NRCAM: variants seen among roughly 807,000 people sequenced by gnomAD.
The protein encoded by NRCAM is NgCAM-related cell adhesion molecule.
In NRCAM, 83 loss-of-function variants were observed where a neutral mutation model predicts 156.5. The ratio of observed to expected loss-of-function variants is 0.53; its 90% CI spans 0.44 to 0.64. NRCAM has a LOEUF of 0.64. NRCAM is among the 30% of genes least tolerant of loss of function. The pLI is 0.00. For synonymous variants in NRCAM, 538 were observed against 563.9 expected (o/e 0.95, Z 0.65); for missense variants, 1,417 against 1,597.3 (o/e 0.89, Z 1.92).
intron 8 of NRCAM, among the ~76,000 whole-genome samples, chr7:108,229,435 T>C (rs2093992278): frequency 6.6e-6 from 1 of 152,190 alleles, no homozygotes; most frequent in Non-Finnish European, 1.5e-5. Flanking sequence ...TTAATCCATC[T>C]TTTTGACACA....
At position 108,191,844 on chromosome 7, in the gene NRCAM, A is replaced by T; in HGVS notation, c.1788T>A (p.Val596=). The change falls in exon 18 of 33, where the codon GTT becomes GTA. Residue 596 remains valine (V), a synonymous_variant. Transcript: ENST00000379028. ...CAGCTACCACTAGATGATCCTTGTC[A>T]ACAGTGAACCTGTGGATAGAATGCA... The part of the protein sequence containing the change: ...RELPSDERFT[V]DKDHLVVADV... The T allele has an allele frequency of 6.2e-7, 1 of 1,613,528 alleles. No individual in the cohort carries two copies. The highest frequency in any genetic ancestry group is 2.2e-5 in the East Asian group (1 of 44,876).
chr7:108,415,864 A>G (rs111863788), intron 1 of NRCAM, among the ~76,000 whole-genome samples: 16,216 of 152,258 alleles, frequency 0.11, 2,329 homozygotes, highest in African/African-American at 0.33. Context: ...CCTGGGCAGC[A>G]AGAGCAAAAC....
At chr7:108,264,625 T>C (rs1420153940) in intron 3 of NRCAM, among the ~76,000 whole-genome samples, 1 of 152,238 alleles carries the variant, frequency 6.6e-6, no homozygotes, top group African/African-American at 2.4e-5. Context: ...ACAATACCTA[T>C]CTTTATTAGT....
At chr7:108,367,729 G>A (rs2099600518) in intron 2 of NRCAM, among the ~76,000 whole-genome samples, 1 of 152,110 alleles carries the variant, frequency 6.6e-6, no homozygotes, top group Admixed American at 6.6e-5. Context: ...AAAATCATAT[G>A]TTGTAAGTGA....
chr7:108,157,079 T>C (rs1024489559), intron 32 of NRCAM, among the ~76,000 whole-genome samples: 4 of 152,256 alleles, frequency 2.6e-5, no homozygotes, highest in South Asian at 4.1e-4. Context: ...ATTGTCCTTA[T>C]GAACTTTTAG....
At chr7:108,351,622 A>G (rs972599159) in intron 2 of NRCAM, among the ~76,000 whole-genome samples, 1 of 152,180 alleles carries the variant, frequency 6.6e-6, no homozygotes, top group African/African-American at 2.4e-5. Flanking sequence ...CTTTTTGACA[A>G]CTCAGGAGAA....
intron 13 of NRCAM, among the ~76,000 whole-genome samples, chr7:108,204,847 C>G (rs534632445): frequency 7.2e-5 from 11 of 152,292 alleles, no homozygotes; most frequent in Admixed American, 7.2e-4. Context: ...TCTTCTCTAC[C>G]TACTCAGACA....
chr7:108,214,188 T>C (rs1051355639), intron 11 of NRCAM, among the ~76,000 whole-genome samples: 1 of 152,210 alleles, frequency 6.6e-6, no homozygotes, highest in Non-Finnish European at 1.5e-5. Context: ...CTCCTTTTTG[T>C]ACCTCTGGTA....
intron 2 of NRCAM, among the ~76,000 whole-genome samples, chr7:108,343,022 C>T (rs954283293): frequency 6.6e-6 from 1 of 152,204 alleles, no homozygotes; most frequent in African/African-American, 2.4e-5. Flanking sequence ...ATTGTTCAAA[C>T]CTACGCCACT....
At chr7:108,305,940 C>T (rs1051229224) in intron 3 of NRCAM, among the ~76,000 whole-genome samples, 1 of 151,998 alleles carries the variant, frequency 6.6e-6, no homozygotes, top group Non-Finnish European at 1.5e-5. Context: ...TTCTGTGTAC[C>T]GCAAGTTCCA....
chr7:108,249,252 T>C (rs1037355407), intron 3 of NRCAM, among the ~76,000 whole-genome samples: 15 of 152,072 alleles, frequency 9.9e-5, no homozygotes, highest in African/African-American at 3.6e-4. Flanking sequence ...AAATGAGAAA[T>C]AGAGATGGAC....
intron 3 of NRCAM, among the ~76,000 whole-genome samples, chr7:108,243,958 C>T (rs985871865): frequency 6.6e-6 from 1 of 152,026 alleles, no homozygotes; most frequent in Admixed American, 6.6e-5. Context: ...GCAAATATTC[C>T]CCTGCATTAC....
intron 12 of NRCAM, 45 bp from the exon 13 acceptor site, chr7:108,207,704 G>T: frequency 6.5e-7 from 1 of 1,534,432 alleles, no homozygotes; most frequent in Non-Finnish European, 8.8e-7. Context: ...AATCAAATAA[G>T]CATTTTAGCA....
intron 3 of NRCAM, among the ~76,000 whole-genome samples, chr7:108,280,513 C>T (rs1316233691): frequency 6.6e-6 from 1 of 152,194 alleles, no homozygotes; most frequent in Admixed American, 6.5e-5. Context: ...GAATGGAGAC[C>T]TCCCACTGGA....
At chr7:108,452,417 G>A (rs1253126964) in intron 1 of NRCAM, among the ~76,000 whole-genome samples, 2 of 152,012 alleles carry the variant, frequency 1.3e-5, no homozygotes, top group African/African-American at 2.4e-5. Flanking sequence ...GTGGGGGGGG[G>A]AAGAAACTTC....
Position 108,240,122 on chromosome 7 carries a change from A to G in NRCAM, c.-58T>C. The G allele has an allele frequency of 2.4e-6, 3 of 1,258,366 alleles. No individual in the cohort carries two copies. The highest frequency in any genetic ancestry group is 3.5e-6 in the Non-Finnish European group (3 of 866,828). 78.0% of individuals were successfully genotyped at this position (1,258,366 alleles called of 1,614,324 possible). A position where few individuals can be genotyped will look rare whatever the true frequency, so the allele number is the denominator to read the frequency against. ...ATTTCCTTTTCTTCTTTCACAAAAG[A>G]TTTTGTGAAACGTTGTGTGCAACGT... On this transcript the variant is annotated 5_prime_UTR_variant, in exon 4 of 33. Coordinates refer to ENST00000379028, the MANE Select transcript of NRCAM (RefSeq NM_001037132.4).
chr7:108,184,136 T>TTC, intron 22 of NRCAM, 105 bp downstream of exon 22: 1 of 662,226 alleles, frequency 1.5e-6, no homozygotes, highest in South Asian at 2.3e-5. Flanking sequence ...ATATTTTTTT[T>TTC]CCCCAGAAAT....
chr7:108,298,834 G>T (rs1006346228), intron 3 of NRCAM, among the ~76,000 whole-genome samples: 1 of 150,784 alleles, frequency 6.6e-6, no homozygotes, highest in East Asian at 2.0e-4. Context: ...GGGGCCAGGC[G>T]CAGTGGCTCA....
At chr7:108,375,877 G>C (rs545906113) in intron 2 of NRCAM, among the ~76,000 whole-genome samples, 3 of 152,312 alleles carry the variant, frequency 2.0e-5, no homozygotes, top group African/African-American at 7.2e-5. Flanking sequence ...AAAGAAGTAA[G>C]AGGAAGAGAA....
Sources: gnomAD v4.1 joint callset for allele counts (sites outside exome capture counted in the v4.1 genomes callset) on GRCh38, gnomAD v4.1.1 for gene constraint, MANE v1.5 for transcripts, NCBI Gene and HGNC (gene_info 2026-07-23, HGNC 2026-07-21) for gene names.